MEGF11: variants seen among roughly 807,000 people sequenced by gnomAD.
MEGF11 encodes the protein multiple EGF like domains 11.
MEGF11 carries 126 observed loss-of-function variants against 146.6 expected under a neutral mutation model. That is an observed-to-expected ratio of 0.86 (90% CI 0.74 to 1.00). The LOEUF (loss-of-function observed/expected upper bound fraction) is 1.00, where lower values mean the gene tolerates loss of function less well. MEGF11 is among the 50% of genes least tolerant of loss of function. The probability of loss-of-function intolerance (pLI) is 0.00; values close to 1 mark genes in which losing one functional copy is unlikely to be tolerated. For synonymous variants in MEGF11, 532 were observed against 583.4 expected, an observed-to-expected ratio of 0.91 and a Z score of 1.27; for missense variants, 1,509 against 1,521.2, an observed-to-expected ratio of 0.99 and a Z score of 0.13.
chr15:66,126,459 C>A (rs1163997735), intron 2 of MEGF11, among the ~76,000 whole-genome samples: 1 of 150,500 alleles, frequency 6.6e-6, no homozygotes, highest in Non-Finnish European at 1.5e-5. Flanking sequence ...CAGCTCAGTT[C>A]AGCTCAGTTC....
intron 1 of MEGF11, among the ~76,000 whole-genome samples, chr15:66,164,284 C>T (rs961806038): frequency 1.3e-5 from 2 of 152,182 alleles, no homozygotes; most frequent in East Asian, 3.8e-4. Flanking sequence ...AGAATTGTTG[C>T]ACTGCACAGC....
chr15:66,214,545 G>T (rs866429364), intron 1 of MEGF11, among the ~76,000 whole-genome samples: 3 of 152,230 alleles, frequency 2.0e-5, no homozygotes, highest in African/African-American at 7.2e-5. Flanking sequence ...AGAAGAAGGG[G>T]CAGGCCTCTG....
chr15:66,183,436 G>A (rs1443986686), intron 1 of MEGF11, among the ~76,000 whole-genome samples: 1 of 151,762 alleles, frequency 6.6e-6, no homozygotes, highest in Non-Finnish European at 1.5e-5. Context: ...GGAGGTGGAG[G>A]TTGCAGTGAG....
chr15:65,919,816 C>T (rs1596839474), intron 15 of MEGF11, among the ~76,000 whole-genome samples: 1 of 152,182 alleles, frequency 6.6e-6, no homozygotes, highest in Non-Finnish European at 1.5e-5. Context: ...AACAGGGTTT[C>T]ACCATGTTGG....
intron 10 of MEGF11, among the ~76,000 whole-genome samples, chr15:65,949,066 ATGAAACAATT>A (rs1207255918): frequency 2.2e-5 from 2 of 90,012 alleles, no homozygotes; most frequent in Non-Finnish European, 5.5e-5. Context: ...TTGATGAAGA[ATGAAACAATT>A]AGAAAAGAAA....
chr15:66,055,633 G>T (rs1454518858), intron 5 of MEGF11, among the ~76,000 whole-genome samples: 1 of 151,942 alleles, frequency 6.6e-6, no homozygotes, highest in South Asian at 2.1e-4. Flanking sequence ...GGTAACATTC[G>T]GGACTCAACA....
intron 10 of MEGF11, among the ~76,000 whole-genome samples, chr15:65,934,929 GGTA>G (rs1477998611): frequency 1.3e-5 from 2 of 152,070 alleles, no homozygotes; most frequent in Non-Finnish European, 2.9e-5. Context: ...ATAATAAACT[GGTA>G]AATGTGTTTC....
intron 15 of MEGF11, chr15:65,922,030 C>T (rs1596842983): frequency 5.2e-6 from 2 of 381,450 alleles, no homozygotes; most frequent in East Asian, 1.3e-4. Context: ...ACTTCTGATG[C>T]AGATCTCTGT....
intron 5 of MEGF11, among the ~76,000 whole-genome samples, chr15:66,077,547 C>T (rs919604651): frequency 1.3e-5 from 2 of 152,206 alleles, no homozygotes; most frequent in South Asian, 2.1e-4. Flanking sequence ...CCAGAAGGAA[C>T]GAAAGACGTG....
intron 21 of MEGF11, among the ~76,000 whole-genome samples, chr15:65,910,933 T>G (rs1266731409): frequency 6.6e-6 from 1 of 152,114 alleles, no homozygotes; most frequent in Non-Finnish European, 1.5e-5. Context: ...TGTCCAGAGG[T>G]ATGCAGCATG....
intron 1 of MEGF11, among the ~76,000 whole-genome samples, chr15:66,212,967 G>C (rs944908862): frequency 2.6e-5 from 4 of 152,212 alleles, no homozygotes; most frequent in Admixed American, 1.3e-4. Flanking sequence ...CTCATGCCCC[G>C]CCCAGGCTTC....
At chr15:66,063,459 T>A (rs1385802207) in intron 5 of MEGF11, among the ~76,000 whole-genome samples, 1 of 152,192 alleles carries the variant, frequency 6.6e-6, no homozygotes, top group Non-Finnish European at 1.5e-5. Flanking sequence ...GATGGGCCCC[T>A]GGGGTGGCCT....
intron 1 of MEGF11, among the ~76,000 whole-genome samples, chr15:66,141,746 G>A (rs969751194): frequency 2.6e-5 from 4 of 152,188 alleles, no homozygotes; most frequent in African/African-American, 9.7e-5. Flanking sequence ...GAGATGGGCT[G>A]CAGATGAGGA....
intron 23 of MEGF11, among the ~76,000 whole-genome samples, chr15:65,907,548 G>C (rs2078667164): frequency 6.6e-6 from 1 of 152,142 alleles, no homozygotes; most frequent in African/African-American, 2.4e-5. Flanking sequence ...GCCTGCCTCA[G>C]CCTCCCAAAG....
chr15:66,006,345 C>T (rs560041661), intron 5 of MEGF11, among the ~76,000 whole-genome samples: 16 of 152,340 alleles, frequency 1.1e-4, no homozygotes, highest in African/African-American at 3.1e-4. Context: ...TTCCCTGAGC[C>T]TGCAGAGCTA....
chr15:65,916,937 C>G lies in MEGF11; in HGVS notation c.2106G>C (p.Trp702Cys), dbSNP rs755326132. 4 of 1,529,582 alleles carry G rather than the reference C, an allele frequency of 2.6e-6. No homozygotes were observed. In the African/African-American group the frequency reaches 4.2e-5, roughly 16 times the overall value. The allele number at this position is 1,529,582 out of a possible 1,614,324, so 94.8% of individuals were successfully genotyped here. Residue 702 changes from tryptophan to cysteine, a missense_variant, in exon 17 of 26, where the codon TGG (tryptophan) becomes TGC (cysteine). Trp to Cys is a radical substitution (Grantham distance 215, BLOSUM62 -2). Coordinates refer to ENST00000395614, the MANE Select transcript of MEGF11 (RefSeq NM_001385028.1). ...DCSQACPPGF[W>C]GPACFHACSC... ...TGCATGCGTGGAAGCAGGCGGGGCC[C>G]CAGAACCCGGGTGGGCAAGCTGGGA...
At position 66,032,687 on chromosome 15, in the gene MEGF11, G is replaced by A. The variant is rs139018423; in HGVS notation, c.395-50199C>T. Among the ~76,000 whole-genome samples, 621 of 152,332 alleles carry A rather than the reference G, an allele frequency of 4.1e-3. 2 individuals carry two copies. The highest frequency in any genetic ancestry group is 6.8e-3 in the Non-Finnish European group (460 of 68,038). On this transcript the variant is annotated intron_variant, in intron 5 of 25. Transcript: ENST00000395614. Reference sequence around the variant, plus strand: ...CTATGCTTGTGCTTGAGAAGATTACGGAAGGCAGAATTTAAGAGTGATGAG... The same window carrying A: ...CTATGCTTGTGCTTGAGAAGATTACAGAAGGCAGAATTTAAGAGTGATGAG...
chr15:66,194,472 G>C (rs942593423), intron 1 of MEGF11, among the ~76,000 whole-genome samples: 16 of 152,104 alleles, frequency 1.1e-4, no homozygotes, highest in African/African-American at 3.9e-4. Flanking sequence ...TCCGGGTGTG[G>C]TGGCACACAC....
intron 5 of MEGF11, among the ~76,000 whole-genome samples, chr15:66,008,074 A>C (rs2082574367): frequency 6.6e-6 from 1 of 152,202 alleles, no homozygotes; most frequent in African/African-American, 2.4e-5. Flanking sequence ...AGCCCAGGGG[A>C]AACACAGGGT....
Sources: gnomAD v4.1 joint callset for allele counts (sites outside exome capture counted in the v4.1 genomes callset) on GRCh38, gnomAD v4.1.1 for gene constraint, MANE v1.5 for transcripts, NCBI Gene and HGNC (gene_info 2026-07-23, HGNC 2026-07-21) for gene names.